The following FOXJ1 variants were observed in gnomAD, a reference collection of about 807,000 sequenced individuals.
The protein encoded by FOXJ1 is forkhead box protein J1.
FOXJ1 carries 8 observed loss-of-function variants against 29.3 expected under a neutral mutation model. The ratio of observed to expected loss-of-function variants is 0.27; its 90% CI spans 0.16 to 0.49. The LOEUF is 0.49. FOXJ1 is among the 20% of genes least tolerant of loss of function. The probability of loss-of-function intolerance (pLI) is 0.98; values close to 1 mark genes in which losing one functional copy is unlikely to be tolerated. For synonymous variants in FOXJ1, 280 were observed against 278.7 expected, an observed-to-expected ratio of 1.00 and a Z score of -0.05; for missense variants, 539 against 595.5, an observed-to-expected ratio of 0.91 and a Z score of 0.99.
rs905716699 is a variant in FOXJ1 at position 76,137,298 on chromosome 17, G to C, written c.*55C>G. On this transcript the variant is annotated 3_prime_UTR_variant, in exon 3 of 3. Transcript: ENST00000322957. The surrounding 1 kb of genome is among the most constrained non-coding windows in gnomAD (Gnocchi z 9.5). ...GGTGTCTGTGGACCTGTGTTGGGGG[G>C]CAGTTCTGGACCCTGACTTGGGCAC... 3 of 1,383,114 alleles carry C rather than the reference G, an allele frequency of 2.2e-6. No individual in the cohort carries two copies. Among genetic ancestry groups the C allele is most frequent in the Non-Finnish European group, 2.8e-6 (3 of 1,060,288 alleles). 85.7% of individuals were successfully genotyped at this position (1,383,114 alleles called of 1,614,324 possible).
Position 76,137,345 on chromosome 17 carries a change from C to A in FOXJ1, c.*8G>T, listed in dbSNP as rs956646426. 12 of 1,478,160 alleles carry A rather than the reference C, an allele frequency of 8.1e-6. No individual in the cohort carries two copies. The East Asian group carries it at 3.0e-4, about 37-fold the overall frequency. 91.6% of individuals were successfully genotyped at this position (1,478,160 alleles called of 1,614,324 possible). ...GCACTGTCCAGAGGTGGGGCAGGGC[C>A]TGGCCTCTTACAAGAAGGCCCCCAC... is the stretch of plus-strand genomic sequence containing the variant. On this transcript the variant is annotated 3_prime_UTR_variant, in exon 3 of 3. Coordinates refer to ENST00000322957, the MANE Select transcript of FOXJ1 (RefSeq NM_001454.4). This position sits in a 1 kb window ranked among gnomAD's most constrained non-coding sequence, Gnocchi z 9.5.
rs2068505422 is a variant in FOXJ1 at position 76,140,060 on chromosome 17, CACG to C, written c.333_335del (p.Asp111_Val112delinsGlu). ...TCACGTGCGGATTGGTGGCGTAGTCCACGTCGTCGGGGGGTGGGGCCTGCAGCC... is the reference window on the plus strand; with the variant it reads ...TCACGTGCGGATTGGTGGCGTAGTCCTCGTCGGGGGGTGGGGCCTGCAGCC... On this transcript the variant is annotated inframe_deletion, in exon 2 of 3. Coordinates refer to ENST00000322957, the MANE Select transcript of FOXJ1 (RefSeq NM_001454.4). The surrounding 1 kb of genome is among the most constrained non-coding windows in gnomAD (Gnocchi z 8.0). 1 of 1,608,850 alleles carries C rather than the reference CACG, an allele frequency of 6.2e-7. No individual in the cohort carries two copies. Among genetic ancestry groups the C allele is most frequent in the African/African-American group, 1.3e-5 (1 of 74,904 alleles).
Position 76,139,978 on chromosome 17 carries a change from T to C in FOXJ1, c.418A>G (p.Thr140Ala), listed in dbSNP as rs778889857. 6.2e-7 allele frequency: 1 copy of C among 1,613,516 alleles called. No homozygotes were observed. The highest frequency in any genetic ancestry group is 2.2e-5 in the East Asian group (1 of 44,818). ...TAGATGGCCGACAGGGTGATCTTGG[T>C]GGCCTTGCTGGCCTGCATGGCCATG... ...ICMAMQASKA[T>A]KITLSAIYKW... Residue 140 changes from threonine (T) to alanine (A), a missense_variant, in exon 2 of 3, where the codon ACC becomes GCC. Transcript: ENST00000322957. This position sits in a 1 kb window ranked among gnomAD's most constrained non-coding sequence, Gnocchi z 6.6.
In FOXJ1 at chr17:76,137,292, T is replaced by C; in HGVS notation, c.*61A>G. On this transcript the variant is annotated 3_prime_UTR_variant, in exon 3 of 3. Transcript: ENST00000322957. The surrounding 1 kb of genome is among the most constrained non-coding windows in gnomAD (Gnocchi z 9.5). The stretch of plus-strand genomic sequence containing the variant: ...TGGTGGGGTGTCTGTGGACCTGTGT[T>C]GGGGGGCAGTTCTGGACCCTGACTT... The C allele has an allele frequency of 2.2e-6, 3 of 1,373,814 alleles. No homozygotes were observed. The South Asian group carries it at 4.8e-5, about 22-fold the overall frequency. The allele number at this position is 1,373,814 out of a possible 1,614,324, so 85.1% of individuals were successfully genotyped here.
chr17:76,139,683 C>T lies in FOXJ1; in HGVS notation c.498+215G>A, dbSNP rs563378779. 6.6e-6 allele frequency among the ~76,000 whole-genome samples: 1 copy of T among 152,330 alleles called. No homozygotes were observed. The highest frequency in any genetic ancestry group is 2.1e-4 in the South Asian group (1 of 4,832). On this transcript the variant is annotated intron_variant, in intron 2 of 2. Coordinates refer to ENST00000322957, the MANE Select transcript of FOXJ1 (RefSeq NM_001454.4). The surrounding 1 kb of genome is among the most constrained non-coding windows in gnomAD (Gnocchi z 6.6). Reference sequence around the variant, plus strand: ...TCAGCCTCTGCACCCCTAAAGCCCTCCACCTCTGGACATTCTCCCTTCTCT... The same window carrying T: ...TCAGCCTCTGCACCCCTAAAGCCCTTCACCTCTGGACATTCTCCCTTCTCT...
rs144738021 is a variant in FOXJ1, at chr17:76,140,594, T to C, written c.-169-30A>G. 449 of 511,978 alleles carry C rather than the reference T, an allele frequency of 8.8e-4. 4 individuals are homozygous for C. Among genetic ancestry groups the C allele is most frequent in the African/African-American group, 7.6e-3 (373 of 49,096 alleles). The allele number at this position is 511,978 out of a possible 1,614,324, so 31.7% of individuals were successfully genotyped here. ...GAGGACCACGGTGGGAGCTGAGCACTACCCCACCCCCGAGGGGACAGTGTG... is the reference window on the plus strand; with the variant it reads ...GAGGACCACGGTGGGAGCTGAGCACCACCCCACCCCCGAGGGGACAGTGTG... On this transcript the variant is annotated intron_variant, in intron 1 of 2. Transcript: ENST00000322957. The surrounding 1 kb of genome is among the most constrained non-coding windows in gnomAD (Gnocchi z 8.0).
At position 76,137,951 on chromosome 17, in the gene FOXJ1, G is replaced by A; in HGVS notation, c.668C>T (p.Ala223Val). The A allele has an allele frequency of 6.3e-7, 1 of 1,588,068 alleles. No individual in the cohort carries two copies. The highest frequency in any genetic ancestry group is 2.3e-5 in the East Asian group (1 of 44,204). ...CTCCTGCGCGGCCTGGCGGGCAAAG[G>A]CTGGGTGGATGTGGACAGGGGGCAG... The part of the protein sequence containing the change: ...RRLPPVHIHP[A>V]FARQAAQEPS... Residue 223 changes from alanine (A) to valine (V), a missense_variant, in exon 3 of 3, where the codon GCC becomes GTC. Around this residue, in one of 3 missense-constraint regions of FOXJ1, gnomAD observed 302 missense variants for 293.6 expected, o/e 1.03. Transcript: ENST00000322957. The surrounding 1 kb of genome is among the most constrained non-coding windows in gnomAD (Gnocchi z 9.5).
Position 76,139,008 on chromosome 17 carries a change from A to G in FOXJ1, c.499-888T>C, listed in dbSNP as rs1408484582. Among the ~76,000 whole-genome samples the G allele has an allele frequency of 1.3e-5, 2 of 152,146 alleles. No individual in the cohort carries two copies. Among genetic ancestry groups the G allele is most frequent in the African/African-American group, 2.4e-5 (1 of 41,422 alleles). ...CTGCCTACCCAGCCTCAAATCCACC[A>G]TCCTCCTGCCTTGTCCATTCTTAGG... is the stretch of plus-strand genomic sequence containing the variant. On this transcript the variant is annotated intron_variant, in intron 2 of 2. Transcript: ENST00000322957. The surrounding 1 kb of genome is among the most constrained non-coding windows in gnomAD (Gnocchi z 6.6).
Position 76,140,376 on chromosome 17 carries a change from C to T in FOXJ1, c.20G>A (p.Arg7His). 1.3e-6 allele frequency: 2 copies of T among 1,484,446 alleles called. No homozygotes were observed. Among genetic ancestry groups the T allele is most frequent in the Non-Finnish European group, 1.8e-6 (2 of 1,125,350 alleles). 92.0% of individuals were successfully genotyped at this position (1,484,446 alleles called of 1,614,324 possible). Residue 7 changes from arginine (R) to histidine (H), a missense_variant, in exon 2 of 3, where the codon CGC (arginine) becomes CAC (histidine). Arg to His is a conservative substitution (Grantham distance 29). Coordinates refer to ENST00000322957, the MANE Select transcript of FOXJ1 (RefSeq NM_001454.4). The surrounding 1 kb of genome is among the most constrained non-coding windows in gnomAD (Gnocchi z 8.0). ...CTCCGCCGGCCCGGCTCCCGAGAGGCGCAGCCAGCTCTCCGCCATGTCTGC... is the reference window on the plus strand; with the variant it reads ...CTCCGCCGGCCCGGCTCCCGAGAGGTGCAGCCAGCTCTCCGCCATGTCTGC... MAESWL[R>H]LSGAGPAEEA...
At position 76,137,366 on chromosome 17, in the gene FOXJ1, C is replaced by A; in HGVS notation, c.1253G>T (p.Gly418Val). 6.7e-7 allele frequency: 1 copy of A among 1,495,092 alleles called. No homozygotes were observed. 92.6% of individuals were successfully genotyped at this position (1,495,092 alleles called of 1,614,324 possible). A position where few individuals can be genotyped will look rare whatever the true frequency, so the allele number is the denominator to read the frequency against. The change falls in exon 3 of 3, where the codon GGG (glycine) becomes GTG (valine). Residue 418 changes from glycine to valine, a missense_variant. Coordinates refer to ENST00000322957, the MANE Select transcript of FOXJ1 (RefSeq NM_001454.4). The surrounding 1 kb of genome is among the most constrained non-coding windows in gnomAD (Gnocchi z 9.5). ...ASDLQDWASV[G>V]AFL Reference sequence around the variant, plus strand: ...GGGCCTGGCCTCTTACAAGAAGGCCCCCACGCTGGCCCAGTCCTGCAGGTC... The same window carrying A: ...GGGCCTGGCCTCTTACAAGAAGGCCACCACGCTGGCCCAGTCCTGCAGGTC...
At position 76,139,514 on chromosome 17, in the gene FOXJ1, C is replaced by T. The variant is rs1488286161; in HGVS notation, c.498+384G>A. 1.3e-5 allele frequency among the ~76,000 whole-genome samples: 2 copies of T among 152,216 alleles called. No individual in the cohort carries two copies. The highest frequency in any genetic ancestry group is 2.9e-5 in the Non-Finnish European group (2 of 68,040). The stretch of plus-strand genomic sequence containing the variant: ...CCCGACAAACCATCCCGGGGCAGGG[C>T]AGTGTCTAGGAATTCTAGGACTTGG... On this transcript the variant is annotated intron_variant, in intron 2 of 2. Transcript: ENST00000322957. The surrounding 1 kb of genome is among the most constrained non-coding windows in gnomAD (Gnocchi z 6.6).
chr17:76,139,934 G>T lies in FOXJ1; in HGVS notation c.462C>A (p.Asn154Lys), dbSNP rs1359948336. ...GATCTGCGTGGCGGAAGTAGCAGAAGTTGTCCGTGATCCACTTGTAGATGG... is the reference window on the plus strand; with the variant it reads ...GATCTGCGTGGCGGAAGTAGCAGAATTTGTCCGTGATCCACTTGTAGATGG... ...LSAIYKWITD[N>K]FCYFRHADPT... The change falls in exon 2 of 3, where the codon AAC becomes AAA. Residue 154 changes from asparagine (N) to lysine (K), a missense_variant. This residue lies in a region of FOXJ1 where 178 missense variants were observed against 254.4 expected (regional missense o/e 0.70). Transcript: ENST00000322957. The surrounding 1 kb of genome is among the most constrained non-coding windows in gnomAD (Gnocchi z 6.6). 1 of 1,609,156 alleles carries T rather than the reference G, an allele frequency of 6.2e-7. No homozygotes were observed.
Position 76,137,219 on chromosome 17 carries a change from G to A in FOXJ1, c.*134C>T. ...GATGGCAGCTGGGGCTGGTGGCCAT[G>A]TGGCCTCTGGGGCAAGCCTTGGAGC... On this transcript the variant is annotated 3_prime_UTR_variant, in exon 3 of 3. Coordinates refer to ENST00000322957, the MANE Select transcript of FOXJ1 (RefSeq NM_001454.4). The surrounding 1 kb of genome is among the most constrained non-coding windows in gnomAD (Gnocchi z 9.5). 1 of 759,218 alleles carries A rather than the reference G, an allele frequency of 1.3e-6. No individual in the cohort carries two copies. Among genetic ancestry groups the A allele is most frequent in the Non-Finnish European group, 1.9e-6 (1 of 524,262 alleles). The allele number at this position is 759,218 out of a possible 1,614,324, so 47.0% of individuals were successfully genotyped here.
Position 76,137,349 on chromosome 17 carries a change from C to T in FOXJ1, c.*4G>A, listed in dbSNP as rs2068485607. Reference sequence around the variant, plus strand: ...TGTCCAGAGGTGGGGCAGGGCCTGGCCTCTTACAAGAAGGCCCCCACGCTG... The same window carrying T: ...TGTCCAGAGGTGGGGCAGGGCCTGGTCTCTTACAAGAAGGCCCCCACGCTG... On this transcript the variant is annotated 3_prime_UTR_variant, in exon 3 of 3. Transcript: ENST00000322957. This position sits in a 1 kb window ranked among gnomAD's most constrained non-coding sequence, Gnocchi z 9.5. 1 of 1,480,012 alleles carries T rather than the reference C, an allele frequency of 6.8e-7. No homozygotes were observed. The allele number at this position is 1,480,012 out of a possible 1,614,324, so 91.7% of individuals were successfully genotyped here.
chr17:76,137,135 G>T lies in FOXJ1; in HGVS notation c.*218C>A. 1 of 471,650 alleles carries T rather than the reference G, an allele frequency of 2.1e-6. No individual in the cohort carries two copies. The highest frequency in any genetic ancestry group is 3.7e-6 in the Non-Finnish European group (1 of 269,292). 29.2% of individuals were successfully genotyped at this position (471,650 alleles called of 1,614,324 possible). On this transcript the variant is annotated 3_prime_UTR_variant, in exon 3 of 3. Transcript: ENST00000322957. The surrounding 1 kb of genome is among the most constrained non-coding windows in gnomAD (Gnocchi z 9.5). ...ACTGTGTGTACAAGGTGGGGCTGGG[G>T]AGAGGAGGCAGCGATTCTGGTCCTG...
At chr17:76,138,390 G>T (rs1347433052) in intron 2 of FOXJ1, among the ~76,000 whole-genome samples, 2 of 152,162 alleles carry the variant, frequency 1.3e-5, no homozygotes, top group Non-Finnish European at 2.9e-5. Context: ...CCGCAGGGTG[G>T]CTCTCGGTGC....
Position 76,137,830 on chromosome 17 carries a change from C to G in FOXJ1, c.789G>C (p.Trp263Cys), listed in dbSNP as rs2068489254. 1 of 1,595,330 alleles carries G rather than the reference C, an allele frequency of 6.3e-7. No homozygotes were observed. The highest frequency in any genetic ancestry group is 1.3e-5 in the African/African-American group (1 of 74,678). The change falls in exon 3 of 3, where the codon TGG becomes TGC. Residue 263 changes from tryptophan (W) to cysteine (C), a missense_variant. Transcript: ENST00000322957. The surrounding 1 kb of genome is among the most constrained non-coding windows in gnomAD (Gnocchi z 9.5). ...GCCCCAGCCTGCCCTCGCCTGCACCCCAGCCCGCCTCCCCGGTGGCCTCCT... is the reference window on the plus strand; with the variant it reads ...GCCCCAGCCTGCCCTCGCCTGCACCGCAGCCCGCCTCCCCGGTGGCCTCCT... ...EFEEATGEAG[W>C]GAGEGRLGHK...
intron 2 of FOXJ1, among the ~76,000 whole-genome samples, chr17:76,138,405 C>T (rs1346206939): frequency 6.6e-6 from 1 of 152,084 alleles, no homozygotes; most frequent in Middle Eastern, 3.2e-3. Context: ...CGGTGCCACC[C>T]CCGTCGCCTG....
rs532386546 is a variant in FOXJ1 at position 76,137,919 on chromosome 17, C to T, written c.700G>A (p.Ala234Thr). The T allele has an allele frequency of 7.0e-6, 11 of 1,570,420 alleles. No individual in the cohort carries two copies. The highest frequency in any genetic ancestry group is 2.3e-5 in the East Asian group (1 of 43,324). Residue 234 changes from alanine to threonine, a missense_variant, in exon 3 of 3, where the codon GCT (alanine) becomes ACT (threonine). This residue lies in a region of FOXJ1 where 302 missense variants were observed against 293.6 expected (regional missense o/e 1.03). Transcript: ENST00000322957. This position sits in a 1 kb window ranked among gnomAD's most constrained non-coding sequence, Gnocchi z 9.5. ...FARQAAQEPS[A>T]VPRAGPLTVN... ...GTCAGCGGCCCGGCCCGGGGGACAG[C>T]GCTGGGCTCCTGCGCGGCCTGGCGG...
Sources: allele counts gnomAD v4.1 joint callset (sites outside exome capture counted in the v4.1 genomes callset), GRCh38; gene constraint gnomAD v4.1.1; regional missense constraint gnomAD v4.1.1; non-coding constraint Gnocchi (gnomAD v3.1); transcripts MANE v1.5; gene names NCBI Gene and HGNC (gene_info 2026-07-23, HGNC 2026-07-21).